PTPRD: variants seen among roughly 807,000 people sequenced by gnomAD.
PTPRD encodes protein tyrosine phosphatase receptor type D, also known as receptor-type tyrosine-protein phosphatase delta.
In PTPRD, 34 loss-of-function variants were observed where a neutral mutation model predicts 214.5. That is an observed-to-expected ratio of 0.16 (90% CI 0.12 to 0.21). PTPRD has a LOEUF of 0.21. Among genes scored for constraint, PTPRD ranks in the 10% least tolerant of loss-of-function variants. The pLI, the probability that PTPRD is intolerant of heterozygous loss-of-function variation, is 1.00. For synonymous variants in PTPRD, 1,128 were observed against 845.7 expected, an observed-to-expected ratio of 1.33 and a Z score of -5.79; for missense variants, 2,545 against 2,398.7, an observed-to-expected ratio of 1.06 and a Z score of -1.27.
At chr9:10,225,508 CT>C (rs1267577849) in intron 3 of PTPRD, among the ~76,000 whole-genome samples, 3 of 151,956 alleles carry the variant, frequency 2.0e-5, no homozygotes, top group African/African-American at 7.2e-5. Context: ...GTTGGCACTG[CT>C]TTTATTGGCT....
intron 37 of PTPRD, among the ~76,000 whole-genome samples, chr9:8,385,876 G>A (rs2086831031): frequency 6.6e-6 from 1 of 152,142 alleles, no homozygotes; most frequent in African/African-American, 2.4e-5. Flanking sequence ...GCATGGGTGT[G>A]CCACACTGGG....
intron 14 of PTPRD, among the ~76,000 whole-genome samples, chr9:8,535,987 C>T (rs867192730): frequency 6.6e-6 from 1 of 151,846 alleles, no homozygotes; most frequent in Non-Finnish European, 1.5e-5. Flanking sequence ...CACTATAATG[C>T]CCAGTATCTC....
chr9:9,530,408 G>C (rs112119997), intron 8 of PTPRD, among the ~76,000 whole-genome samples: 1 of 152,044 alleles, frequency 6.6e-6, no homozygotes, highest in African/African-American at 2.4e-5. Context: ...TAAATTCCTG[G>C]ACACATACAA....
At chr9:9,333,162 G>C (rs947370297) in intron 9 of PTPRD, among the ~76,000 whole-genome samples, 2 of 151,872 alleles carry the variant, frequency 1.3e-5, no homozygotes, top group African/African-American at 4.8e-5. Flanking sequence ...ACATTTGAGA[G>C]AGATAATATA....
intron 9 of PTPRD, among the ~76,000 whole-genome samples, chr9:9,210,974 C>T (rs777631583): frequency 9.9e-5 from 15 of 150,914 alleles, no homozygotes; most frequent in Non-Finnish European, 2.2e-4. Flanking sequence ...ATTTTTCTTC[C>T]TCTCTTTGGA....
chr9:9,024,371 A>G (rs1302020246), intron 10 of PTPRD, among the ~76,000 whole-genome samples: 1 of 113,020 alleles, frequency 8.8e-6, no homozygotes, highest in African/African-American at 3.9e-5. Context: ...TTTTTCCTGT[A>G]TAAACAGCCT....
At position 9,953,521 on chromosome 9, in the gene PTPRD, C is replaced by CAT. The variant is rs577958523; in HGVS notation, c.-471-14912_-471-14911insAT. On this transcript the variant is annotated intron_variant, in intron 4 of 45. Coordinates refer to ENST00000381196, the MANE Select transcript of PTPRD (RefSeq NM_002839.4). ...ACACACACACACACACACACACACA[C>CAT]ACATACATACACACTCACTTTTGGT... Among the ~76,000 whole-genome samples, 391 of 149,062 alleles carry CAT rather than the reference C, an allele frequency of 2.6e-3. 1 individual carries two copies. Among genetic ancestry groups the CAT allele is most frequent in the African/African-American group, 9.2e-3 (367 of 39,778 alleles).
chr9:8,824,805 G>C (rs1316873725), intron 11 of PTPRD, among the ~76,000 whole-genome samples: 2 of 152,254 alleles, frequency 1.3e-5, no homozygotes, highest in Non-Finnish European at 1.5e-5. Context: ...AGGGTTTGCT[G>C]AAATTGCAGA....
rs554686946 is a variant in PTPRD, at chr9:10,049,590, T to C, written c.-544-15800A>G. Among the ~76,000 whole-genome samples, 149 of 152,250 alleles carry C rather than the reference T, an allele frequency of 9.8e-4. 1 individual carries two copies. The highest frequency in any genetic ancestry group is 3.5e-3 in the African/African-American group (147 of 41,546). ...TTAATAAAGTTATAAGGGAATCTTT[T>C]GAAGAGAAAGTTAATTTGCTATATA... On this transcript the variant is annotated intron_variant, in intron 3 of 45. Transcript: ENST00000381196.
chr9:10,093,435 A>T (rs892539738), intron 3 of PTPRD, among the ~76,000 whole-genome samples: 4 of 151,444 alleles, frequency 2.6e-5, no homozygotes, highest in African/African-American at 4.8e-5. Flanking sequence ...ATTCCTAAAA[A>T]GTCCAAAATT....
At chr9:9,882,658 T>C (rs993616747) in intron 5 of PTPRD, among the ~76,000 whole-genome samples, 10 of 152,184 alleles carry the variant, frequency 6.6e-5, no homozygotes, top group Admixed American at 1.3e-4. Flanking sequence ...GAATTCTCCA[T>C]TTAGGTTGTG....
intron 11 of PTPRD, among the ~76,000 whole-genome samples, chr9:9,013,578 A>G (rs1023818665): frequency 2.0e-4 from 31 of 152,154 alleles, no homozygotes; most frequent in Admixed American, 2.0e-3. Flanking sequence ...TCCGTGGGAT[A>G]AAAGACCTTG....
At chr9:8,842,125 A>C (rs992659028) in intron 11 of PTPRD, among the ~76,000 whole-genome samples, 3 of 152,014 alleles carry the variant, frequency 2.0e-5, no homozygotes, top group Non-Finnish European at 4.4e-5. Flanking sequence ...AACCTACCTA[A>C]AACAAAATGC....
At chr9:9,345,826 A>G (rs980476926) in intron 9 of PTPRD, among the ~76,000 whole-genome samples, 96 of 152,304 alleles carry the variant, frequency 6.3e-4, no homozygotes, top group African/African-American at 2.2e-3. Context: ...AACAAACATT[A>G]GGTTATTGTG....
At chr9:10,190,171 A>T (rs1197586023) in intron 3 of PTPRD, among the ~76,000 whole-genome samples, 1 of 151,714 alleles carries the variant, frequency 6.6e-6, no homozygotes, top group Non-Finnish European at 1.5e-5. Flanking sequence ...GTTCGAGATC[A>T]GCCTGACCAA....
intron 12 of PTPRD, among the ~76,000 whole-genome samples, chr9:8,707,535 G>T (rs1014829704): frequency 6.6e-6 from 1 of 152,216 alleles, no homozygotes; most frequent in Non-Finnish European, 1.5e-5. Context: ...CTTAGCATGG[G>T]CTAAGAAATT....
At chr9:10,091,215 A>G (rs1158504468) in intron 3 of PTPRD, among the ~76,000 whole-genome samples, 2 of 151,558 alleles carry the variant, frequency 1.3e-5, no homozygotes, top group Admixed American at 1.3e-4. Context: ...TTATGGCATA[A>G]TTTGAGATAA....
intron 11 of PTPRD, among the ~76,000 whole-genome samples, chr9:8,929,825 A>ATATGTGTGTG (rs1555536985): frequency 1.9e-5 from 2 of 104,222 alleles, no homozygotes; most frequent in Admixed American, 1.0e-4. Flanking sequence ...ATATGTGTAT[A>ATATGTGTGTG]TATATGTGTA....
chr9:8,632,121 T>TTGTG (rs146691738), intron 14 of PTPRD, among the ~76,000 whole-genome samples: 5,073 of 144,598 alleles, frequency 0.035, 115 homozygotes, highest in African/African-American at 0.061. Flanking sequence ...AATTGCTTCT[T>TTGTG]TGTGTGTGTG....
Sources: gnomAD v4.1 joint callset for allele counts (sites outside exome capture counted in the v4.1 genomes callset) on GRCh38, gnomAD v4.1.1 for gene constraint, MANE v1.5 for transcripts, NCBI Gene and HGNC (gene_info 2026-07-23, HGNC 2026-07-21) for gene names.